Variants in NPAS3 observed in about 807,000 individuals in gnomAD.
NPAS3 encodes neuronal PAS domain protein 3.
NPAS3 carries 14 observed loss-of-function variants against 73.1 expected under a neutral mutation model. The observed-to-expected ratio is 0.19, with a 90% CI of 0.13 to 0.30. NPAS3 has a LOEUF of 0.30. NPAS3 is among the 10% of genes least tolerant of loss of function. The pLI is 1.00. For missense variants in NPAS3, 1,096 were observed against 1,250.0 expected (o/e 0.88, Z 1.86); for synonymous variants, 620 against 541.5 (o/e 1.14, Z -2.01).
chr14:33,299,790 G>T (rs1239925043), intron 3 of NPAS3, among the ~76,000 whole-genome samples: 3 of 151,878 alleles, frequency 2.0e-5, no homozygotes, highest in Non-Finnish European at 4.4e-5. Flanking sequence ...ATAACATTAA[G>T]GTTTAGAAAA....
intron 4 of NPAS3, among the ~76,000 whole-genome samples, chr14:33,368,959 G>T (rs2045960581): frequency 6.6e-6 from 1 of 152,152 alleles, no homozygotes; most frequent in South Asian, 2.1e-4. Context: ...ACTAGTCCTA[G>T]ATTATTATCT....
intron 3 of NPAS3, among the ~76,000 whole-genome samples, chr14:33,325,159 T>C (rs1424713143): frequency 6.6e-6 from 1 of 152,174 alleles, no homozygotes; most frequent in Non-Finnish European, 1.5e-5. Flanking sequence ...AACCAATTTT[T>C]TTTTTAAAAA....
At chr14:33,797,683 C>T in intron 11 of NPAS3, 102 bp downstream of exon 11, 1 of 1,160,990 alleles carries the variant, frequency 8.6e-7, no homozygotes, top group Non-Finnish European at 1.2e-6. Context: ...AGCAACTGGT[C>T]ACATTTCAGA....
At chr14:33,159,708 C>T (rs2044784547) in intron 2 of NPAS3, among the ~76,000 whole-genome samples, 1 of 152,064 alleles carries the variant, frequency 6.6e-6, no homozygotes, top group Admixed American at 6.5e-5. Flanking sequence ...CGCCCACCAC[C>T]ATGCCCGGCT....
At chr14:33,634,518 A>G in intron 5 of NPAS3, among the ~76,000 whole-genome samples, 1 of 152,216 alleles carries the variant, frequency 6.6e-6, no homozygotes, top group East Asian at 1.9e-4. Context: ...GTCCACGTAT[A>G]AAAAAGAAGG....
chr14:33,273,052 C>T (rs555947209), intron 3 of NPAS3, among the ~76,000 whole-genome samples: 9 of 152,270 alleles, frequency 5.9e-5, no homozygotes, highest in South Asian at 4.1e-4. Flanking sequence ...TTTCTGCAGT[C>T]CTGGTCCCTG....
chr14:33,136,050 C>CCTTTTTT (rs2043818837), intron 2 of NPAS3, among the ~76,000 whole-genome samples: 1 of 145,478 alleles, frequency 6.9e-6, no homozygotes, highest in African/African-American at 2.6e-5. Flanking sequence ...GCAATAACTA[C>CCTTTTTT]CTTTTTTCTT....
chr14:33,440,231 G>C (rs1286510612), intron 4 of NPAS3, among the ~76,000 whole-genome samples: 1 of 152,068 alleles, frequency 6.6e-6, no homozygotes, highest in African/African-American at 2.4e-5. Flanking sequence ...ACTGAGAAGA[G>C]ACCTGATCCT....
In NPAS3 at chr14:33,196,651, T is replaced by C. The variant is rs146520666; in HGVS notation, c.141-18531T>C. The stretch of plus-strand genomic sequence containing the variant: ...CATGTGAAAGTTGAGCACATTGACA[T>C]AGAATAAAGAGACATTATTTTCCTT... On this transcript the variant is annotated intron_variant, in intron 2 of 11. Coordinates refer to ENST00000356141, the Ensembl canonical transcript of NPAS3. Among the ~76,000 whole-genome samples the C allele has an allele frequency of 1.5e-4, 23 of 152,358 alleles. 1 individual carries two copies. The East Asian group carries it at 3.7e-3, about 24-fold the overall frequency.
At chr14:33,589,268 C>T (rs578215568) in intron 5 of NPAS3, among the ~76,000 whole-genome samples, 2 of 152,230 alleles carry the variant, frequency 1.3e-5, no homozygotes, top group Admixed American at 1.3e-4. Flanking sequence ...GAACCGTCTC[C>T]CTGACCATGA....
At chr14:33,497,229 C>T (rs899152158) in intron 4 of NPAS3, among the ~76,000 whole-genome samples, 3 of 152,140 alleles carry the variant, frequency 2.0e-5, no homozygotes, top group Non-Finnish European at 4.4e-5. Flanking sequence ...ACATTCCATG[C>T]TCGTGGATAG....
chr14:33,592,303 TA>T (rs555200907), intron 5 of NPAS3, among the ~76,000 whole-genome samples: 4 of 152,306 alleles, frequency 2.6e-5, no homozygotes, highest in African/African-American at 9.6e-5. Flanking sequence ...CACAGGTATT[TA>T]AAAGACCCTT....
At chr14:33,239,585 T>C (rs2048151250) in intron 3 of NPAS3, among the ~76,000 whole-genome samples, 1 of 151,900 alleles carries the variant, frequency 6.6e-6, no homozygotes, top group Non-Finnish European at 1.5e-5. Context: ...TTTTCTGTCA[T>C]GTTTCACCTT....
chr14:32,967,772 G>GT (rs984904900), intron 1 of NPAS3, among the ~76,000 whole-genome samples: 8 of 44,306 alleles, frequency 1.8e-4, no homozygotes, highest in Non-Finnish European at 4.7e-4. Context: ...AACAGCATGT[G>GT]GGGGGGGGTC....
chr14:33,175,458 A>T lies in NPAS3; in HGVS notation c.141-39724A>T, dbSNP rs145201133. Among the ~76,000 whole-genome samples, 3 of 152,328 alleles carry T rather than the reference A, an allele frequency of 2.0e-5. 1 individual carries two copies. The highest frequency in any genetic ancestry group is 7.2e-5 in the African/African-American group (3 of 41,572). ...TTAGGAAGCATACCTACTTGTTTCAAAAGGAAACAAAATAAAATGGAAGCG... is the reference window on the plus strand; with the variant it reads ...TTAGGAAGCATACCTACTTGTTTCATAAGGAAACAAAATAAAATGGAAGCG... On this transcript the variant is annotated intron_variant, in intron 2 of 11. Transcript: ENST00000356141.
chr14:33,427,873 T>C (rs182314851), intron 4 of NPAS3, among the ~76,000 whole-genome samples: 56 of 152,200 alleles, frequency 3.7e-4, no homozygotes, highest in African/African-American at 1.2e-3. Flanking sequence ...TATATCTTGG[T>C]AGTAATGTTG....
At chr14:33,112,318 C>G (rs2042922436) in intron 2 of NPAS3, among the ~76,000 whole-genome samples, 1 of 152,272 alleles carries the variant, frequency 6.6e-6, no homozygotes, top group South Asian at 2.1e-4. Context: ...TCTCCACATC[C>G]TCTCCAGTAC....
chr14:33,798,013 G>A (rs190923005), intron 11 of NPAS3, among the ~76,000 whole-genome samples: 3 of 152,052 alleles, frequency 2.0e-5, no homozygotes, highest in East Asian at 3.9e-4. Flanking sequence ...CATACAGAAG[G>A]AGCCCTGCTC....
At chr14:33,208,018 A>G (rs989380063) in intron 2 of NPAS3, among the ~76,000 whole-genome samples, 1 of 152,158 alleles carries the variant, frequency 6.6e-6, no homozygotes. Context: ...GATTTGGTAA[A>G]TAGAAATTTA....
Sources: allele counts gnomAD v4.1 joint callset (sites outside exome capture counted in the v4.1 genomes callset), GRCh38; gene constraint gnomAD v4.1.1; transcripts MANE v1.5; gene names NCBI Gene and HGNC (gene_info 2026-07-23, HGNC 2026-07-21).